ZMYND8: variants seen among roughly 807,000 people sequenced by gnomAD.
ZMYND8 encodes the protein zinc finger MYND-type containing 8.
ZMYND8 carries 37 observed loss-of-function variants against 140.8 expected under a neutral mutation model. That is an observed-to-expected ratio of 0.26 (90% CI 0.20 to 0.35). The LOEUF (loss-of-function observed/expected upper bound fraction) is 0.35. Ranked by LOEUF, ZMYND8 falls within the 10% of genes least tolerant of loss-of-function variation. ZMYND8 has a pLI of 1.00. For missense variants in ZMYND8, 1,068 were observed against 1,570.0 expected (o/e 0.68, Z 5.40); for synonymous variants, 592 against 597.1 (o/e 0.99, Z 0.12).
intron 2 of ZMYND8, among the ~76,000 whole-genome samples, chr20:47,312,701 A>T (rs936002324): frequency 5.3e-5 from 8 of 151,896 alleles, no homozygotes; most frequent in African/African-American, 1.9e-4. Context: ...GGGGCAGGAT[A>T]ATCACTTGAA....
At chr20:47,272,579 T>A (rs1474264830) in intron 11 of ZMYND8, among the ~76,000 whole-genome samples, 1 of 152,128 alleles carries the variant, frequency 6.6e-6, no homozygotes, top group African/African-American at 2.4e-5. Context: ...CAAAAATCAC[T>A]CAGAATATTA....
At chr20:47,220,415 C>T (rs1360037330) in intron 20 of ZMYND8, 91 bp from the exon 21 acceptor site, 36 of 1,029,790 alleles carry the variant, frequency 3.5e-5, no homozygotes, top group East Asian at 5.2e-5. Context: ...GGGTGCTCAT[C>T]GCTGCCCCCA....
At chr20:47,259,320 T>A (rs766771698) in intron 12 of ZMYND8, among the ~76,000 whole-genome samples, 27 of 152,110 alleles carry the variant, frequency 1.8e-4, no homozygotes, top group Non-Finnish European at 3.7e-4. Context: ...AACTGGTTGG[T>A]CTGAATGGGA....
intron 2 of ZMYND8, among the ~76,000 whole-genome samples, chr20:47,345,304 A>G (rs1481061940): frequency 6.6e-6 from 1 of 152,128 alleles, no homozygotes; most frequent in Non-Finnish European, 1.5e-5. Flanking sequence ...AGGGGCCCCA[A>G]GGAAGGAACC....
In ZMYND8 at chr20:47,310,102, T is replaced by C. The variant is rs745776962; in HGVS notation, c.188A>G (p.Lys63Arg). ...CAGTAAGCCAGGTTTCTTTTTCTTT[T>C]TAATGGGGCTTGTTGATGTGTCCTG... The part of the protein sequence containing the change: ...SPQDTSTSPI[K>R]KKKKPGLLNS... The change falls in exon 3 of 23, where the codon AAA becomes AGA. Residue 63 changes from lysine to arginine, a missense_variant. Physicochemically the swap from Lys to Arg is conservative, Grantham distance 26. Transcript: ENST00000471951. 5.6e-6 allele frequency: 9 copies of C among 1,614,202 alleles called. No individual in the cohort carries two copies. The South Asian group carries it at 9.9e-5, about 18-fold the overall frequency.
chr20:47,311,154 C>T (rs1210543336), intron 2 of ZMYND8, among the ~76,000 whole-genome samples: 1 of 152,330 alleles, frequency 6.6e-6, no homozygotes, highest in Middle Eastern at 3.4e-3. Flanking sequence ...AAAGAACACA[C>T]CCCACCCACC....
intron 3 of ZMYND8, among the ~76,000 whole-genome samples, chr20:47,307,752 G>A (rs907744390): frequency 3.9e-5 from 6 of 151,952 alleles, no homozygotes; most frequent in Non-Finnish European, 8.8e-5. Flanking sequence ...TCTTGAACCT[G>A]GGAGGCAAAG....
intron 22 of ZMYND8, among the ~76,000 whole-genome samples, chr20:47,211,729 G>A (rs959319026): frequency 9.2e-5 from 14 of 152,144 alleles, no homozygotes; most frequent in African/African-American, 2.9e-4. Flanking sequence ...CAGACAGACT[G>A]GGACAGAATT....
At chr20:47,312,777 G>A (rs1433895939) in intron 2 of ZMYND8, among the ~76,000 whole-genome samples, 4 of 147,494 alleles carry the variant, frequency 2.7e-5, no homozygotes, top group Non-Finnish European at 4.5e-5. Context: ...GCGACAGAGC[G>A]AGACTCCGTC....
intron 3 of ZMYND8, among the ~76,000 whole-genome samples, chr20:47,302,652 C>T (rs970952189): frequency 6.6e-6 from 1 of 152,130 alleles, no homozygotes; most frequent in Non-Finnish European, 1.5e-5. Context: ...TTTATCTGAC[C>T]TTGGAGCCCA....
At position 47,273,162 on chromosome 20, in the gene ZMYND8, T is replaced by C. The variant is rs1014845149; in HGVS notation, c.1480+3152A>G. Among the ~76,000 whole-genome samples, 12 of 152,212 alleles carry C rather than the reference T, an allele frequency of 7.9e-5. 1 individual carries two copies. The highest frequency in any genetic ancestry group is 1.9e-4 in the East Asian group (1 of 5,202). On this transcript the variant is annotated intron_variant, in intron 11 of 22. Transcript: ENST00000471951. Reference sequence around the variant, plus strand: ...GGCAAACTATAGCTCAAGGGTCAAATTGGGCATATCACCTGTTCCTGAGGG... The same window carrying C: ...GGCAAACTATAGCTCAAGGGTCAAACTGGGCATATCACCTGTTCCTGAGGG...
chr20:47,282,098 C>T lies in ZMYND8; in HGVS notation c.998+4G>A. ...CATGTTCCAAGCCTGTTATTAACTC[C>T]CACCTGTCATGTTGTCCAAAGAATC... On this transcript the variant is annotated splice_donor_region_variant and intron_variant, in intron 10 of 22. Coordinates refer to ENST00000471951, the MANE Select transcript of ZMYND8 (RefSeq NM_001281775.3). The T allele has an allele frequency of 1.2e-6, 2 of 1,611,024 alleles. No homozygotes were observed. The highest frequency in any genetic ancestry group is 1.7e-6 in the Non-Finnish European group (2 of 1,178,622).
intron 2 of ZMYND8, among the ~76,000 whole-genome samples, chr20:47,339,205 C>CT (rs1331516537): frequency 6.6e-6 from 1 of 151,918 alleles, no homozygotes; most frequent in Non-Finnish European, 1.5e-5. Flanking sequence ...ATCTCCTGAC[C>CT]TTGTGATCCG....
At chr20:47,264,659 T>A (rs891757722) in intron 11 of ZMYND8, among the ~76,000 whole-genome samples, 3 of 141,622 alleles carry the variant, frequency 2.1e-5, no homozygotes, top group African/African-American at 7.5e-5. Flanking sequence ...GCCACATTCC[T>A]TCACTGGGGG....
At chr20:47,221,533 C>T (rs2036946204) in intron 19 of ZMYND8, 59 bp from the exon 20 acceptor site, 11 of 1,570,690 alleles carry the variant, frequency 7.0e-6, no homozygotes, top group Middle Eastern at 1.8e-4. Context: ...GATTTTGAAA[C>T]ATGCATGGAG....
At chr20:47,234,063 G>A (rs2038898351) in intron 16 of ZMYND8, among the ~76,000 whole-genome samples, 1 of 152,152 alleles carries the variant, frequency 6.6e-6, no homozygotes, top group Admixed American at 6.5e-5. Flanking sequence ...TCCATTGCTG[G>A]CTTTTGAGAC....
At chr20:47,238,266 A>G (rs765523933) in intron 15 of ZMYND8, 19 of 170,364 alleles carry the variant, frequency 1.1e-4, no homozygotes, top group Non-Finnish European at 2.0e-4. Flanking sequence ...TGGGTGGGGG[A>G]AAAAAGCAAG....
At chr20:47,212,549 A>AC in intron 22 of ZMYND8, 93 bp downstream of exon 22, 1 of 1,417,720 alleles carries the variant, frequency 7.1e-7, no homozygotes, top group East Asian at 2.3e-5. Flanking sequence ...AGACACACCC[A>AC]CAAAGGAACA....
At chr20:47,230,393 C>T (rs981369422) in intron 16 of ZMYND8, among the ~76,000 whole-genome samples, 4 of 151,770 alleles carry the variant, frequency 2.6e-5, no homozygotes, top group African/African-American at 4.8e-5. Context: ...CAGGTTCAGG[C>T]GATTCTCCTG....
Sources: allele counts gnomAD v4.1 joint callset (sites outside exome capture counted in the v4.1 genomes callset), GRCh38; gene constraint gnomAD v4.1.1; transcripts MANE v1.5; gene names NCBI Gene and HGNC (gene_info 2026-07-23, HGNC 2026-07-21).